The following ENTPD8 variants were observed in gnomAD, a reference collection of about 807,000 sequenced individuals.
ENTPD8 encodes the protein E-NTPDase 8.
A neutral mutation model predicts 47.0 loss-of-function variants in ENTPD8; 35 were observed. The ratio of observed to expected loss-of-function variants is 0.75; its 90% CI spans 0.57 to 0.99. The LOEUF (loss-of-function observed/expected upper bound fraction) is 0.99, where lower values mean the gene tolerates loss of function less well. Among genes scored for constraint, ENTPD8 ranks in the 50% least tolerant of loss-of-function variants. The pLI is 0.00. For missense variants in ENTPD8, 668 were observed against 649.9 expected, an observed-to-expected ratio of 1.03 and a Z score of -0.30; for synonymous variants, 308 against 290.5, an observed-to-expected ratio of 1.06 and a Z score of -0.61.
intron 8 of ENTPD8, 59 bp downstream of exon 8, chr9:137,435,660 A>G (rs2131902873): frequency 1.3e-6 from 2 of 1,491,874 alleles, no homozygotes; most frequent in Admixed American, 1.7e-5. Flanking sequence ...ATCCTGCCCG[A>G]GGCAGCCCTG....
intron 6 of ENTPD8, 104 bp downstream of exon 6, chr9:137,436,417 G>GGGGCCGGATGACCCACGCCAGCCCCGCA (rs1564246685): frequency 7.5e-7 from 1 of 1,333,002 alleles, no homozygotes; most frequent in African/African-American, 1.5e-5. Context: ...CCAGCCCCGC[G>GGGGCCGGATGACCCACGCCAGCCCCGCA]CCCATACCCT....
chr9:137,438,328 AC>A lies in ENTPD8; in HGVS notation c.-20-24del. 6.7e-7 allele frequency: 1 copy of A among 1,495,718 alleles called. No homozygotes were observed. The highest frequency in any genetic ancestry group is 8.9e-7 in the Non-Finnish European group (1 of 1,120,484). 92.7% of individuals were successfully genotyped at this position (1,495,718 alleles called of 1,614,324 possible). A position where few individuals can be genotyped will look rare whatever the true frequency, so the allele number is the denominator to read the frequency against. The stretch of plus-strand genomic sequence containing the variant: ...TTCCTGTGGGGGGACGGCCGTGGGC[AC>A]CCAGGCTGCACTTGGTGTCCCCATC... On this transcript the variant is annotated intron_variant, in intron 1 of 9. Coordinates refer to ENST00000371506, the MANE Select transcript of ENTPD8 (RefSeq NM_001033113.2). This position sits in a 1 kb window ranked among gnomAD's most constrained non-coding sequence, Gnocchi z 5.7.
rs568813129 is a variant in ENTPD8 at position 137,435,897 on chromosome 9, C to T, written c.1051-68G>A. 5.0e-6 allele frequency: 8 copies of T among 1,605,278 alleles called. No homozygotes were observed. In the African/African-American group the frequency reaches 8.0e-5, roughly 16 times the overall value. ...CTGGGCCAGATCCACCCCACCCGGGCTCCCAGAGCCCCTAAGAGCCAGCCT... is the reference window on the plus strand; with the variant it reads ...CTGGGCCAGATCCACCCCACCCGGGTTCCCAGAGCCCCTAAGAGCCAGCCT... On this transcript the variant is annotated intron_variant, in intron 7 of 9. Transcript: ENST00000371506.
Position 137,434,814 on chromosome 9 carries a change from C to A in ENTPD8, c.*100G>T. The stretch of plus-strand genomic sequence containing the variant: ...GGCTGTCACCTGACCGTGGGCAGAG[C>A]CACAGAGCAAGGCCCCACGGCGCTC... On this transcript the variant is annotated 3_prime_UTR_variant, in exon 10 of 10. Coordinates refer to ENST00000371506, the MANE Select transcript of ENTPD8 (RefSeq NM_001033113.2). The A allele has an allele frequency of 7.2e-7, 1 of 1,396,984 alleles. No individual in the cohort carries two copies. The highest frequency in any genetic ancestry group is 9.5e-7 in the Non-Finnish European group (1 of 1,056,744). The allele number at this position is 1,396,984 out of a possible 1,614,324, so 86.5% of individuals were successfully genotyped here. A position where few individuals can be genotyped will look rare whatever the true frequency, so the allele number is the denominator to read the frequency against.
At chr9:137,435,894 G>A (rs995961396) in intron 7 of ENTPD8, 65 bp from the exon 8 acceptor site, 31 of 1,604,726 alleles carry the variant, frequency 1.9e-5, no homozygotes, top group South Asian at 4.4e-5. Flanking sequence ...CACCCCACCC[G>A]GGCTCCCAGA....
chr9:137,439,462 C>G (rs1839459423), intron 1 of ENTPD8, among the ~76,000 whole-genome samples: 1 of 152,178 alleles, frequency 6.6e-6, no homozygotes, highest in South Asian at 2.1e-4. Flanking sequence ...AAACGTTGCA[C>G]CCACACTGAG....
Position 137,434,757 on chromosome 9 carries a change from G to A in ENTPD8, c.*157C>T. 4.2e-6 allele frequency: 4 copies of A among 957,952 alleles called. No individual in the cohort carries two copies. The highest frequency in any genetic ancestry group is 1.6e-5 in the African/African-American group (1 of 60,670). The allele number at this position is 957,952 out of a possible 1,614,324, so 59.3% of individuals were successfully genotyped here. A position where few individuals can be genotyped will look rare whatever the true frequency, so the allele number is the denominator to read the frequency against. On this transcript the variant is annotated 3_prime_UTR_variant, in exon 10 of 10. Transcript: ENST00000371506. ...GGAGGGGAGGTCATGCAGCCTCTGT[G>A]GCCAGCACCACCCTGACGGTGCCCT...
At position 137,437,043 on chromosome 9, in the gene ENTPD8, C is replaced by T. The variant is rs758951971; in HGVS notation, c.396-15G>A. 2 of 1,609,916 alleles carry T rather than the reference C, an allele frequency of 1.2e-6. No homozygotes were observed. Among genetic ancestry groups the T allele is most frequent in the Non-Finnish European group, 1.7e-6 (2 of 1,177,972 alleles). The stretch of plus-strand genomic sequence containing the variant: ...TGTTCTTCCGGCTGGGCACAGAGGA[C>T]CAGGGGCTGGAGCTGGCTGGAAGCC... On this transcript the variant is annotated splice_polypyrimidine_tract_variant and intron_variant, in intron 4 of 9. Transcript: ENST00000371506.
intron 3 of ENTPD8, among the ~76,000 whole-genome samples, 179 bp from the exon 4 acceptor site, chr9:137,437,488 G>A (rs751161280): frequency 2.6e-5 from 4 of 152,202 alleles, no homozygotes; most frequent in Non-Finnish European, 4.4e-5. Context: ...GAGGGGGTGC[G>A]GCCCTGTCCA....
chr9:137,435,146 C>T (rs1335414296), intron 9 of ENTPD8, 41 bp from the exon 10 acceptor site: 1 of 1,602,174 alleles, frequency 6.2e-7, no homozygotes, highest in East Asian at 2.2e-5. Flanking sequence ...GGGCAGCTAC[C>T]CCAGGACCAC....
Position 137,438,835 on chromosome 9 carries a change from G to T in ENTPD8, c.-20-530C>A, listed in dbSNP as rs1468431003. ...CCAAGTAGCCCCCTCGGACCCCCTC[G>T]GATGGGACTCGCGGAGCTGCCCCCA... is the stretch of plus-strand genomic sequence containing the variant. On this transcript the variant is annotated intron_variant, in intron 1 of 9. Transcript: ENST00000371506. This position sits in a 1 kb window ranked among gnomAD's most constrained non-coding sequence, Gnocchi z 5.7. 6.6e-6 allele frequency among the ~76,000 whole-genome samples: 1 copy of T among 152,058 alleles called. No individual in the cohort carries two copies. The highest frequency in any genetic ancestry group is 1.5e-5 in the Non-Finnish European group (1 of 67,956).
intron 3 of ENTPD8, 79 bp from the exon 4 acceptor site, chr9:137,437,388 C>T: frequency 6.6e-7 from 1 of 1,509,870 alleles, no homozygotes; most frequent in Non-Finnish European, 8.9e-7. Flanking sequence ...GACATGACCA[C>T]CTCATGCCCC....
intron 8 of ENTPD8, 36 bp from the exon 9 acceptor site, chr9:137,435,374 C>T (rs1333382411): frequency 6.3e-7 from 1 of 1,592,504 alleles, no homozygotes; most frequent in Admixed American, 1.7e-5. Flanking sequence ...AGGTGAGGGC[C>T]CCTGATCCCC....
chr9:137,435,815 G>A lies in ENTPD8; in HGVS notation c.1065C>T (p.Phe355=), dbSNP rs1044193060. The A allele has an allele frequency of 6.2e-7, 1 of 1,613,510 alleles. No individual in the cohort carries two copies. Among genetic ancestry groups the A allele is most frequent in the Non-Finnish European group, 8.5e-7 (1 of 1,179,918 alleles). Residue 355 remains phenylalanine, a synonymous_variant, in exon 8 of 10, where the codon TTC becomes TTT. Transcript: ENST00000371506. ...GGTTCAGGAAGTGGAAGGTGTAGTA[G>A]AAGTTGGAGAAGGCCTGAGTGAGAG... ...LRGQFYAFSN[F]YYTFHFLNLT...
intron 8 of ENTPD8, 51 bp downstream of exon 8, chr9:137,435,668 C>T: frequency 6.5e-7 from 1 of 1,534,166 alleles, no homozygotes; most frequent in South Asian, 1.1e-5. Context: ...CGAGGCAGCC[C>T]TGTACCCTCA....
At position 137,438,094 on chromosome 9, in the gene ENTPD8, C is replaced by T. The variant is rs1178803937; in HGVS notation, c.127-10G>A. On this transcript the variant is annotated splice_polypyrimidine_tract_variant and intron_variant, in intron 2 of 9. Transcript: ENST00000371506. The surrounding 1 kb of genome is among the most constrained non-coding windows in gnomAD (Gnocchi z 5.7). Reference sequence around the variant, plus strand: ...CAAACACGATCCCAAACTGGGGAGACAGTGGGATGAGTGGGAGGCAACACC... The same window carrying T: ...CAAACACGATCCCAAACTGGGGAGATAGTGGGATGAGTGGGAGGCAACACC... 1.2e-6 allele frequency: 2 copies of T among 1,612,556 alleles called. No homozygotes were observed. The highest frequency in any genetic ancestry group is 1.3e-5 in the African/African-American group (1 of 75,032).
In ENTPD8 at chr9:137,436,607, C is replaced by T. The variant is rs555978504; in HGVS notation, c.700G>A (p.Gly234Ser). 20 of 1,611,116 alleles carry T rather than the reference C, an allele frequency of 1.2e-5. No homozygotes were observed. The highest frequency in any genetic ancestry group is 4.5e-5 in the East Asian group (2 of 44,816). ...TGAGTGTAGACGCTGTAGTCGGAGCCGTAGAGGCGAAAATCGGCCTGGGTG... is the reference window on the plus strand; with the variant it reads ...TGAGTGTAGACGCTGTAGTCGGAGCTGTAGAGGCGAAAATCGGCCTGGGTG... ...KSTQADFRLYGSDYSVYTHSY... is the reference protein window; with the variant it reads ...KSTQADFRLYSSDYSVYTHSY... The change falls in exon 6 of 10, where the codon GGC (glycine) becomes AGC (serine). Residue 234 changes from glycine (G) to serine (S), a missense_variant. Physicochemically the swap from Gly to Ser is moderately conservative, Grantham distance 56 (BLOSUM62 0). Transcript: ENST00000371506.
chr9:137,437,017 C>T lies in ENTPD8; in HGVS notation c.407G>A (p.Ser136Asn). Residue 136 changes from serine (S) to asparagine (N), a missense_variant, in exon 5 of 10, where the codon AGC becomes AAC. By Grantham distance (46) the Ser-to-Asn change is conservative. Coordinates refer to ENST00000371506, the MANE Select transcript of ENTPD8 (RefSeq NM_001033113.2). ...AGMRLLSRKN[S>N]SQARDIFAAV... The stretch of plus-strand genomic sequence containing the variant: ...TGCAAAGATGTCCCTGGCCTGAGAG[C>T]TGTTCTTCCGGCTGGGCACAGAGGA... 6.2e-7 allele frequency: 1 copy of T among 1,612,420 alleles called. No homozygotes were observed. Among genetic ancestry groups the T allele is most frequent in the Non-Finnish European group, 8.5e-7 (1 of 1,179,666 alleles).
intron 8 of ENTPD8, 113 bp from the exon 9 acceptor site, chr9:137,435,451 G>A (rs1054651239): frequency 1.4e-6 from 2 of 1,472,350 alleles, no homozygotes; most frequent in Non-Finnish European, 1.8e-6. Context: ...AGGGTGCCGG[G>A]CAGTGGTAGA....
Sources: gnomAD v4.1 joint callset for allele counts (sites outside exome capture counted in the v4.1 genomes callset) on GRCh38, gnomAD v4.1.1 for gene constraint, Gnocchi (gnomAD v3.1) non-coding constraint, MANE v1.5 for transcripts, NCBI Gene and HGNC (gene_info 2026-07-23, HGNC 2026-07-21) for gene names.